Variants in UGGT2 observed in about 807,000 individuals in gnomAD.
UGGT2 encodes UDP-glucose glycoprotein glucosyltransferase 2.
UGGT2 carries 180 observed loss-of-function variants against 192.1 expected under a neutral mutation model. The ratio of observed to expected loss-of-function variants is 0.94; its 90% CI spans 0.83 to 1.06. The LOEUF (loss-of-function observed/expected upper bound fraction) is 1.06, where lower values mean the gene tolerates loss of function less well. UGGT2 is among the 50% of genes least tolerant of loss of function. The probability of loss-of-function intolerance (pLI) is 0.00; values close to 1 mark genes in which losing one functional copy is unlikely to be tolerated. For synonymous variants in UGGT2, 580 were observed against 591.0 expected, an observed-to-expected ratio of 0.98 and a Z score of 0.27; for missense variants, 1,849 against 1,795.7, an observed-to-expected ratio of 1.03 and a Z score of -0.54.
intron 36 of UGGT2, among the ~76,000 whole-genome samples, chr13:95,849,251 T>C (rs965661733): frequency 5.3e-5 from 8 of 152,102 alleles, no homozygotes; most frequent in African/African-American, 1.9e-4. Context: ...AAAATTTATC[T>C]TATGGCCAGG....
intron 31 of UGGT2, among the ~76,000 whole-genome samples, chr13:95,861,646 T>C (rs1890180245): frequency 6.6e-6 from 1 of 152,166 alleles, no homozygotes; most frequent in African/African-American, 2.4e-5. Context: ...TAAACATTTA[T>C]TTCAAAATAC....
chr13:95,837,193 T>C lies in UGGT2; in HGVS notation c.4294A>G (p.Asn1432Asp). The change falls in exon 37 of 39, where the codon AAT becomes GAT. Residue 1432 changes from asparagine to aspartate, a missense_variant. Transcript: ENST00000376747. ...SLSNLDQDLP[N>D]NMIYQVAIKS... ...ATGGCGACTTGGTAAATCATATTAT[T>C]GGGGAGATCCTACAGAAAATTGTGA... The C allele has an allele frequency of 3.1e-6, 5 of 1,611,340 alleles. No individual in the cohort carries two copies. Among genetic ancestry groups the C allele is most frequent in the Non-Finnish European group, 4.2e-6 (5 of 1,177,662 alleles).
chr13:95,959,320 T>C (rs2050314001), intron 12 of UGGT2, among the ~76,000 whole-genome samples: 1 of 152,180 alleles, frequency 6.6e-6, no homozygotes. Flanking sequence ...CAATTGCTCC[T>C]GTTGAAAGTG....
intron 4 of UGGT2, among the ~76,000 whole-genome samples, chr13:96,022,627 T>G (rs1383125823): frequency 6.6e-6 from 1 of 151,908 alleles, no homozygotes; most frequent in Admixed American, 6.6e-5. Flanking sequence ...TTACTTCTGA[T>G]TTGCCATTTT....
intron 22 of UGGT2, among the ~76,000 whole-genome samples, chr13:95,900,561 C>A (rs1265814114): frequency 6.6e-6 from 1 of 152,078 alleles, no homozygotes; most frequent in South Asian, 2.1e-4. Flanking sequence ...AAAATAAAAG[C>A]AAGACACATA....
chr13:96,024,711 G>A (rs2052613350), intron 2 of UGGT2, among the ~76,000 whole-genome samples: 1 of 152,210 alleles, frequency 6.6e-6, no homozygotes, highest in African/African-American at 2.4e-5. Context: ...GTTATCAAGT[G>A]ATGGAAATTT....
At chr13:96,051,481 A>T (rs1321680213) in intron 1 of UGGT2, among the ~76,000 whole-genome samples, 1 of 152,210 alleles carries the variant, frequency 6.6e-6, no homozygotes, top group African/African-American at 2.4e-5. Context: ...AATAATAAAA[A>T]AAATAGCTGG....
rs2050727280 is a variant in UGGT2 at position 95,970,197 on chromosome 13, C to T, written c.1250G>A (p.Gly417Glu). The change falls in exon 12 of 39, where the codon GGG (glycine) becomes GAG (glutamate). Residue 417 changes from glycine (G) to glutamate (E), a missense_variant. Coordinates refer to ENST00000376747, the MANE Select transcript of UGGT2 (RefSeq NM_020121.4). ...TTTTAAAAATTTGCTCATATCTTCCCCATTGATCCCAAGATTGCGAAGGCC... is the reference window on the plus strand; with the variant it reads ...TTTTAAAAATTTGCTCATATCTTCCTCATTGATCCCAAGATTGCGAAGGCC... ...MNGLRNLGIN[G>E]EDMSKFLKLN... is the part of the protein sequence containing the mutation. 6.2e-7 allele frequency: 1 copy of T among 1,612,876 alleles called. No individual in the cohort carries two copies.
chr13:95,868,967 G>A (rs556429075), intron 29 of UGGT2, among the ~76,000 whole-genome samples: 1 of 151,900 alleles, frequency 6.6e-6, no homozygotes, highest in East Asian at 1.9e-4. Flanking sequence ...CATGTGCCAT[G>A]TTGGTGTGCT....
At chr13:95,856,040 G>C in intron 34 of UGGT2, 118 bp downstream of exon 34, 1 of 815,838 alleles carries the variant, frequency 1.2e-6, no homozygotes. Flanking sequence ...TATCACAATC[G>C]TATCTTAAGC....
intron 38 of UGGT2, among the ~76,000 whole-genome samples, chr13:95,830,509 C>T (rs560870263): frequency 6.6e-6 from 1 of 152,160 alleles, no homozygotes; most frequent in Non-Finnish European, 1.5e-5. Context: ...ATTTATGCAG[C>T]CAACAGACAC....
chr13:95,872,810 A>G (rs1335907300), intron 29 of UGGT2, among the ~76,000 whole-genome samples: 1 of 152,240 alleles, frequency 6.6e-6, no homozygotes, highest in African/African-American at 2.4e-5. Flanking sequence ...AAGATAAAAT[A>G]GAATCTAAAT....
At chr13:95,949,881 G>A (rs2050001984) in intron 12 of UGGT2, among the ~76,000 whole-genome samples, 1 of 152,102 alleles carries the variant, frequency 6.6e-6, no homozygotes, top group South Asian at 2.1e-4. Context: ...CAACATCTTA[G>A]AAATCAAGTT....
At chr13:96,003,847 A>G (rs2051884425) in intron 5 of UGGT2, among the ~76,000 whole-genome samples, 1 of 152,208 alleles carries the variant, frequency 6.6e-6, no homozygotes, top group African/African-American at 2.4e-5. Flanking sequence ...ACAGTAAGTC[A>G]ATATTTCCTT....
chr13:95,937,295 G>C (rs1019153844), intron 16 of UGGT2, among the ~76,000 whole-genome samples: 5 of 152,210 alleles, frequency 3.3e-5, no homozygotes, highest in Non-Finnish European at 7.3e-5. Context: ...GGGCCAGAGA[G>C]TAAATATTTT....
rs141781983 is a variant in UGGT2, at chr13:95,814,671, TAACTCAA to T, written c.4529-12866_4529-12860del. On this transcript the variant is annotated intron_variant, in intron 38 of 38. Transcript: ENST00000376747. The stretch of plus-strand genomic sequence containing the variant: ...CTAAAGTCTTAACTCATTCCAGCAT[TAACTCAA>T]AACTCCAAAGTCCAAAGTCTCATCT... Among the ~76,000 whole-genome samples, 350 of 152,302 alleles carry T rather than the reference TAACTCAA, an allele frequency of 2.3e-3. 4 individuals are homozygous for T. Among genetic ancestry groups the T allele is most frequent in the African/African-American group, 7.9e-3 (329 of 41,566 alleles).
intron 12 of UGGT2, among the ~76,000 whole-genome samples, chr13:95,962,410 A>G (rs1011976118): frequency 6.6e-6 from 1 of 152,178 alleles, no homozygotes; most frequent in Non-Finnish European, 1.5e-5. Context: ...AGAGACTATT[A>G]TAGAAAACTA....
intron 36 of UGGT2, among the ~76,000 whole-genome samples, chr13:95,850,546 T>C (rs565038557): frequency 7.7e-4 from 118 of 152,304 alleles, no homozygotes; most frequent in African/African-American, 2.5e-3. Context: ...AATGACACAA[T>C]GGGCACATGA....
Position 95,833,104 on chromosome 13 carries a change from T to C in UGGT2, c.4402-51A>G, listed in dbSNP as rs568809164. 1.3e-5 allele frequency: 20 copies of C among 1,592,362 alleles called. No individual in the cohort carries two copies. The East Asian group carries it at 4.3e-4, about 34-fold the overall frequency. On this transcript the variant is annotated intron_variant, in intron 37 of 38. Coordinates refer to ENST00000376747, the MANE Select transcript of UGGT2 (RefSeq NM_020121.4). ...ATGAAAGACCATGCTCCTGGAAACA[T>C]AAGGACAATGCTGTGTCACTAGGGC...
Sources: allele counts gnomAD v4.1 joint callset (sites outside exome capture counted in the v4.1 genomes callset), GRCh38; gene constraint gnomAD v4.1.1; transcripts MANE v1.5; gene names NCBI Gene and HGNC (gene_info 2026-07-23, HGNC 2026-07-21).